Variants in DMD observed in about 807,000 individuals in gnomAD.
DMD encodes the protein dystrophin.
DMD carries 63 observed loss-of-function variants against 330.1 expected under a neutral mutation model. The ratio of observed to expected loss-of-function variants is 0.19; its 90% confidence interval spans 0.16 to 0.24. The LOEUF (loss-of-function observed/expected upper bound fraction) is 0.24, where lower values mean the gene tolerates loss of function less well. Among genes scored for constraint, DMD ranks in the 10% least tolerant of loss-of-function variants. The probability of loss-of-function intolerance (pLI) is 1.00; values close to 1 mark genes in which losing one functional copy is unlikely to be tolerated. For synonymous variants in DMD, 1,223 were observed against 959.8 expected (o/e 1.27, Z -5.07); for missense variants, 3,344 against 2,684.1 (o/e 1.25, Z -5.43).
chrX:31,827,430 T>C (rs2092917168), intron 49 of DMD, among the ~76,000 whole-genome samples: 1 of 112,044 alleles, frequency 8.9e-6, no homozygotes, highest in African/African-American at 3.2e-5. Context: ...TATAAAACAA[T>C]AGTACTAGAC....
At chrX:31,694,348 T>C (rs1278248424) in intron 52 of DMD, among the ~76,000 whole-genome samples, 1 of 109,670 alleles carries the variant, frequency 9.1e-6, no homozygotes, top group Non-Finnish European at 1.9e-5. Flanking sequence ...CAGTGGTTTC[T>C]TGCATATGAC....
intron 48 of DMD, among the ~76,000 whole-genome samples, chrX:31,857,729 T>A (rs1237244199): frequency 1.8e-5 from 2 of 110,686 alleles, no homozygotes; most frequent in African/African-American, 6.6e-5. Flanking sequence ...TAAGTAATAA[T>A]TGAAGCAGTT....
intron 7 of DMD, among the ~76,000 whole-genome samples, chrX:32,784,511 CAT>C (rs2148580157): frequency 8.9e-6 from 1 of 111,884 alleles, no homozygotes; most frequent in East Asian, 2.8e-4. Flanking sequence ...AGAAATCACA[CAT>C]GTTAAACAGA....
At chrX:31,917,646 T>A (rs1479192722) in intron 47 of DMD, among the ~76,000 whole-genome samples, 1 of 112,515 alleles carries the variant, frequency 8.9e-6, no homozygotes, top group Non-Finnish European at 1.9e-5. Context: ...CTGTAGAGCA[T>A]CAATTATTGT....
chrX:32,830,732 A>G, intron 4 of DMD, among the ~76,000 whole-genome samples: 1 of 112,048 alleles, frequency 8.9e-6, no homozygotes, highest in Middle Eastern at 4.6e-3. Context: ...ATAAAGTAAC[A>G]TGGGATGCTG....
intron 7 of DMD, among the ~76,000 whole-genome samples, chrX:32,733,329 C>A (rs748247329): frequency 9.0e-4 from 99 of 109,698 alleles, no homozygotes; most frequent in African/African-American, 3.3e-3. Context: ...CTTTAACACC[C>A]CACTGTCAAC....
At chrX:31,785,696 C>A (rs887373726) in intron 50 of DMD, among the ~76,000 whole-genome samples, 2 of 110,228 alleles carry the variant, frequency 1.8e-5, no homozygotes, top group African/African-American at 6.6e-5. Context: ...TGAGAACATG[C>A]GGTGTTTGGT....
chrX:32,166,872 A>G lies in DMD; in HGVS notation c.6438+50044T>C, dbSNP rs950438107. Among the ~76,000 whole-genome samples the G allele has an allele frequency of 4.5e-5, 5 of 112,270 alleles. No individual in the cohort carries two copies. In the Admixed American group the frequency reaches 4.7e-4, roughly 11 times the overall value. On this transcript the variant is annotated intron_variant, in intron 44 of 78. Coordinates refer to ENST00000357033, the MANE Select transcript of DMD (RefSeq NM_004006.3). ...CTTCTGTGATACAAAGAAAAACCTCATTATTAGCAGTTTTTTTAAATAATA... is the reference window on the plus strand; with the variant it reads ...CTTCTGTGATACAAAGAAAAACCTCGTTATTAGCAGTTTTTTTAAATAATA...
chrX:31,299,529 G>A (rs956811766), intron 62 of DMD, among the ~76,000 whole-genome samples: 2 of 111,457 alleles, frequency 1.8e-5, no homozygotes, highest in Non-Finnish European at 3.8e-5. Flanking sequence ...TGTAATCCCA[G>A]CACTTTGGGA....
chrX:31,303,221 A>G lies in DMD; in HGVS notation c.9224+20377T>C, dbSNP rs567194694. Among the ~76,000 whole-genome samples the G allele has an allele frequency of 4.5e-5, 5 of 111,846 alleles. No individual in the cohort carries two copies. The South Asian group carries it at 1.9e-3, about 42-fold the overall frequency. On this transcript the variant is annotated intron_variant, in intron 62 of 78. Coordinates refer to ENST00000357033, the MANE Select transcript of DMD (RefSeq NM_004006.3). The stretch of plus-strand genomic sequence containing the variant: ...AAGTGACCTTCCAGAATTTAGCATC[A>G]GAATCTCATTCACACTCATGGTTTC...
At chrX:32,631,478 T>C (rs779102884) in intron 11 of DMD, among the ~76,000 whole-genome samples, 2 of 112,003 alleles carry the variant, frequency 1.8e-5, no homozygotes, top group East Asian at 2.8e-4. Flanking sequence ...CCTGGGGTCA[T>C]GTATTAGGCC....
At chrX:32,685,550 T>C (rs996360553) in intron 9 of DMD, among the ~76,000 whole-genome samples, 7 of 112,103 alleles carry the variant, frequency 6.2e-5, no homozygotes, top group Non-Finnish European at 1.1e-4. Context: ...AATAAACATT[T>C]TCATAAATAT....
intron 17 of DMD, among the ~76,000 whole-genome samples, chrX:32,536,284 A>AC (rs1276435382): frequency 1.9e-5 from 2 of 102,651 alleles, no homozygotes; most frequent in African/African-American, 3.5e-5. Context: ...AAAAAAAAAA[A>AC]AAAACACACA....
At chrX:32,393,585 CTA>C (rs1243750604) in intron 30 of DMD, among the ~76,000 whole-genome samples, 1 of 111,195 alleles carries the variant, frequency 9.0e-6, no homozygotes, top group African/African-American at 3.3e-5. Flanking sequence ...TTAATAATCA[CTA>C]TGTGTGTCTG....
At chrX:32,895,336 A>AT (rs1373050887) in intron 2 of DMD, among the ~76,000 whole-genome samples, 1 of 112,667 alleles carries the variant, frequency 8.9e-6, no homozygotes, top group Non-Finnish European at 1.9e-5. Context: ...TAGTATTGTA[A>AT]TACCATGACA....
chrX:32,912,932 T>G (rs2087421524), intron 2 of DMD, among the ~76,000 whole-genome samples: 1 of 112,373 alleles, frequency 8.9e-6, no homozygotes. Context: ...TAAGATATTT[T>G]TAAAAGACAG....
intron 44 of DMD, among the ~76,000 whole-genome samples, chrX:32,091,910 A>T (rs575974629): frequency 9.0e-6 from 1 of 111,686 alleles, no homozygotes; most frequent in East Asian, 2.8e-4. Context: ...AAGAGCCAAA[A>T]GTGAGATCTG....
intron 44 of DMD, among the ~76,000 whole-genome samples, chrX:32,079,430 A>G (rs2096375735): frequency 9.1e-6 from 1 of 110,340 alleles, no homozygotes; most frequent in African/African-American, 3.3e-5. Context: ...CCCCATCTCT[A>G]CTAAAAATAC....
chrX:32,860,340 GA>G (rs894074280), intron 2 of DMD, among the ~76,000 whole-genome samples: 5 of 111,977 alleles, frequency 4.5e-5, no homozygotes, highest in African/African-American at 1.6e-4. Context: ...AGAACACAGG[GA>G]TAATTTAGCA....
Sources: gnomAD v4.1 joint callset for allele counts (sites outside exome capture counted in the v4.1 genomes callset) on GRCh38, gnomAD v4.1.1 for gene constraint, MANE v1.5 for transcripts, NCBI Gene and HGNC (gene_info 2026-07-23, HGNC 2026-07-21) for gene names.